The following SHISA9 variants were observed in gnomAD, a reference collection of about 807,000 sequenced individuals.
SHISA9 encodes the protein protein shisa-9.
SHISA9 carries 13 observed loss-of-function variants against 38.0 expected under a neutral mutation model. The observed-to-expected ratio is 0.34, with a 90% CI of 0.22 to 0.54. The LOEUF (loss-of-function observed/expected upper bound fraction) is 0.54, where lower values mean the gene tolerates loss of function less well. Ranked by LOEUF, SHISA9 falls within the 20% of genes least tolerant of loss-of-function variation. The pLI, the probability that SHISA9 is intolerant of heterozygous loss-of-function variation, is 0.91. For synonymous variants in SHISA9, 275 were observed against 242.0 expected (o/e 1.14, Z -1.27); for missense variants, 538 against 575.8 (o/e 0.93, Z 0.67).
At chr16:13,115,129 C>T (rs940016692) in intron 2 of SHISA9, among the ~76,000 whole-genome samples, 2 of 152,102 alleles carry the variant, frequency 1.3e-5, no homozygotes, top group African/African-American at 4.8e-5. Flanking sequence ...TATACTTAGC[C>T]ACTCAGTTTT....
At chr16:13,392,802 C>T in the SHISA9 span, among the ~76,000 whole-genome samples, 4 of 152,198 alleles carry the variant, frequency 2.6e-5, no homozygotes, top group African/African-American at 9.6e-5. Flanking sequence ...CCATCTGCTT[C>T]TATTAATATA....
At chr16:13,156,334 T>C (rs934087596) in intron 2 of SHISA9, among the ~76,000 whole-genome samples, 7 of 152,202 alleles carry the variant, frequency 4.6e-5, no homozygotes, top group African/African-American at 1.7e-4. Flanking sequence ...GCCTGGCATG[T>C]AGTAAACTCT....
chr16:13,075,833 A>T (rs898101423), intron 2 of SHISA9, among the ~76,000 whole-genome samples: 1 of 152,018 alleles, frequency 6.6e-6, no homozygotes, highest in Non-Finnish European at 1.5e-5. Context: ...TCTTATCTAG[A>T]TACTGTTGGC....
chr16:13,353,218 A>T, the SHISA9 span, among the ~76,000 whole-genome samples: 2,872 of 151,942 alleles, frequency 0.019, 39 homozygotes, highest in Middle Eastern at 0.037. Flanking sequence ...TATTGTGGGG[A>T]TGTTAGAAGA....
At chr16:13,299,719 A>C in the SHISA9 span, among the ~76,000 whole-genome samples, 1 of 151,782 alleles carries the variant, frequency 6.6e-6, no homozygotes, top group African/African-American at 2.4e-5. Context: ...TCAAAAAAAA[A>C]AAAAACAAAA....
chr16:13,156,158 A>G (rs929872455), intron 2 of SHISA9, among the ~76,000 whole-genome samples: 2 of 152,158 alleles, frequency 1.3e-5, no homozygotes, highest in African/African-American at 4.8e-5. Flanking sequence ...CATGTAGCTT[A>G]GGTTAAGCAG....
At chr16:13,201,951 C>T (rs1242171394) in intron 2 of SHISA9, among the ~76,000 whole-genome samples, 1 of 110,186 alleles carries the variant, frequency 9.1e-6, no homozygotes, top group Non-Finnish European at 1.9e-5. Context: ...TGGCAACCAC[C>T]GCAGTGCATA....
the SHISA9 span, among the ~76,000 whole-genome samples, chr16:13,279,406 C>A: frequency 6.6e-6 from 1 of 151,786 alleles, no homozygotes; most frequent in Non-Finnish European, 1.5e-5. Context: ...CTGTTATGTC[C>A]ATTTGTTCCA....
the SHISA9 span, among the ~76,000 whole-genome samples, chr16:13,282,789 T>C: frequency 0.012 from 1,811 of 152,202 alleles, 25 homozygotes; most frequent in African/African-American, 0.04. Context: ...TTTCACATAT[T>C]GGACTTTTCG....
At chr16:13,451,383 G>T in the SHISA9 span, among the ~76,000 whole-genome samples, 1 of 152,086 alleles carries the variant, frequency 6.6e-6, no homozygotes, top group Non-Finnish European at 1.5e-5. Flanking sequence ...CATCTATCAG[G>T]TACCTATCTA....
the SHISA9 span, among the ~76,000 whole-genome samples, chr16:13,291,128 T>C: frequency 6.6e-6 from 1 of 152,162 alleles, no homozygotes. Flanking sequence ...TGTATGACTT[T>C]TCATTCTTCA....
At chr16:12,927,905 C>A (rs1203795091) in intron 2 of SHISA9, among the ~76,000 whole-genome samples, 1 of 152,156 alleles carries the variant, frequency 6.6e-6, no homozygotes, top group African/African-American at 2.4e-5. Context: ...GTATACCACA[C>A]TTCTGGTTTC....
intron 2 of SHISA9, among the ~76,000 whole-genome samples, chr16:13,125,529 A>G (rs2050249132): frequency 6.6e-6 from 1 of 152,210 alleles, no homozygotes; most frequent in Non-Finnish European, 1.5e-5. Flanking sequence ...ATGAATTTAG[A>G]AACTACAAGT....
chr16:13,419,996 A>T, the SHISA9 span, among the ~76,000 whole-genome samples: 8 of 152,166 alleles, frequency 5.3e-5, no homozygotes, highest in Admixed American at 2.0e-4. Flanking sequence ...CTATAATCCC[A>T]GCACTTTGGG....
intron 2 of SHISA9, among the ~76,000 whole-genome samples, chr16:13,053,088 C>T (rs542938653): frequency 4.0e-5 from 6 of 151,308 alleles, no homozygotes; most frequent in African/African-American, 7.3e-5. Flanking sequence ...CCCATTCTCC[C>T]GAGAACCTGG....
At chr16:13,475,396 A>G in the SHISA9 span, among the ~76,000 whole-genome samples, 1 of 151,808 alleles carries the variant, frequency 6.6e-6, no homozygotes, top group South Asian at 2.1e-4. Context: ...GAAAGAGATT[A>G]TGAAGTTTGC....
chr16:13,377,306 C>G, the SHISA9 span, among the ~76,000 whole-genome samples: 2 of 152,200 alleles, frequency 1.3e-5, no homozygotes, highest in African/African-American at 4.8e-5. Context: ...GTATTCAGAG[C>G]AGCCGTGTAC....
At chr16:13,368,675 G>A in the SHISA9 span, among the ~76,000 whole-genome samples, 1 of 151,690 alleles carries the variant, frequency 6.6e-6, no homozygotes, top group East Asian at 1.9e-4. Flanking sequence ...AAAAAAACAG[G>A]CTAATTAATA....
chr16:13,439,303 A>G, the SHISA9 span, among the ~76,000 whole-genome samples: 1 of 152,194 alleles, frequency 6.6e-6, no homozygotes, highest in East Asian at 1.9e-4. Context: ...TCTCTAAGGT[A>G]CAGCATGGTG....
Sources: allele counts gnomAD v4.1 joint callset (sites outside exome capture counted in the v4.1 genomes callset), GRCh38; gene constraint gnomAD v4.1.1; transcripts MANE v1.5; gene names NCBI Gene and HGNC (gene_info 2026-07-23, HGNC 2026-07-21).